The following GABRB3 variants were observed in gnomAD, a reference collection of about 807,000 sequenced individuals.
GABRB3 encodes the protein gamma-aminobutyric acid type A receptor subunit beta3, also known as gamma-aminobutyric acid receptor subunit beta-3.
In GABRB3, 14 loss-of-function variants were observed where a neutral mutation model predicts 52.1. That is an observed-to-expected ratio of 0.27 (90% CI 0.18 to 0.42). GABRB3 has a LOEUF of 0.42. GABRB3 is among the 10% of genes least tolerant of loss of function. GABRB3 has a pLI of 1.00. For synonymous variants in GABRB3, 260 were observed against 232.3 expected (o/e 1.12, Z -1.08); for missense variants, 307 against 609.1 (o/e 0.50, Z 5.22).
At chr15:26,689,653 A>G (rs1040969293) in intron 3 of GABRB3, among the ~76,000 whole-genome samples, 1 of 151,724 alleles carries the variant, frequency 6.6e-6, no homozygotes, top group Non-Finnish European at 1.5e-5. Flanking sequence ...AGGACACGAA[A>G]CCCCTCACTG....
intron 3 of GABRB3, among the ~76,000 whole-genome samples, chr15:26,682,878 G>A (rs1888282006): frequency 2.0e-5 from 3 of 152,170 alleles, no homozygotes; most frequent in Non-Finnish European, 2.9e-5. Flanking sequence ...CGGCAAGCTG[G>A]GGACACAGCC....
intron 7 of GABRB3, 101 bp downstream of exon 7, chr15:26,567,480 G>T: frequency 8.9e-7 from 1 of 1,118,188 alleles, no homozygotes; most frequent in Non-Finnish European, 1.3e-6. Context: ...CTTGTGTCAC[G>T]CTGTCAAAAA....
chr15:26,725,281 T>C (rs570004387), intron 3 of GABRB3, among the ~76,000 whole-genome samples: 45 of 152,322 alleles, frequency 3.0e-4, no homozygotes, highest in African/African-American at 1.1e-3. Context: ...ACTTCAGGTG[T>C]CTTTTCAGGC....
intron 3 of GABRB3, among the ~76,000 whole-genome samples, chr15:26,690,080 A>T (rs957536496): frequency 6.7e-6 from 1 of 149,500 alleles, no homozygotes; most frequent in African/African-American, 2.4e-5. Context: ...TTTTTTTACC[A>T]ATCTGGAGAA....
intron 3 of GABRB3, among the ~76,000 whole-genome samples, chr15:26,670,958 G>A (rs752470795): frequency 5.9e-5 from 9 of 151,682 alleles, no homozygotes; most frequent in Non-Finnish European, 7.4e-5. Context: ...GCACAATTAC[G>A]GCATCAACCT....
At chr15:26,734,912 TCAAAA>T (rs1237465656) in intron 3 of GABRB3, among the ~76,000 whole-genome samples, 2 of 151,748 alleles carry the variant, frequency 1.3e-5, no homozygotes, top group African/African-American at 2.4e-5. Context: ...CAAGAACCAG[TCAAAA>T]CAAAACAAAA....
chr15:26,745,907 C>T (rs968497059), intron 3 of GABRB3, among the ~76,000 whole-genome samples: 5 of 152,154 alleles, frequency 3.3e-5, no homozygotes, highest in African/African-American at 1.2e-4. Flanking sequence ...ATGCTGTGAA[C>T]ATTCGTTTAT....
At chr15:26,658,061 C>T (rs1887428522) in intron 3 of GABRB3, among the ~76,000 whole-genome samples, 1 of 152,168 alleles carries the variant, frequency 6.6e-6, no homozygotes, top group Non-Finnish European at 1.5e-5. Flanking sequence ...CACTGTAACA[C>T]CTAAAACTGA....
chr15:26,577,122 G>A (rs1283169791), intron 6 of GABRB3, among the ~76,000 whole-genome samples: 1 of 152,176 alleles, frequency 6.6e-6, no homozygotes, highest in East Asian at 1.9e-4. Flanking sequence ...TCTAGAAGAA[G>A]AGAGAATGGG....
At chr15:26,707,077 T>A (rs561024070) in intron 3 of GABRB3, among the ~76,000 whole-genome samples, 2 of 152,286 alleles carry the variant, frequency 1.3e-5, no homozygotes, top group East Asian at 3.9e-4. Context: ...GGGAAATACA[T>A]GATTGCAAAC....
intron 3 of GABRB3, among the ~76,000 whole-genome samples, chr15:26,685,329 T>C (rs1382198191): frequency 1.3e-5 from 2 of 152,290 alleles, no homozygotes; most frequent in Admixed American, 6.5e-5. Flanking sequence ...GCACAGAGGC[T>C]AATGCATCCC....
rs1422647598 is a variant in GABRB3 at position 26,747,883 on chromosome 15, TAA to T, written c.240+24517_240+24518del. 2.6e-5 allele frequency among the ~76,000 whole-genome samples: 4 copies of T among 151,976 alleles called. No individual in the cohort carries two copies. The East Asian group carries it at 7.8e-4, about 29-fold the overall frequency. On this transcript the variant is annotated intron_variant, in intron 3 of 8. Coordinates refer to ENST00000311550, the MANE Select transcript of GABRB3 (RefSeq NM_000814.6). Reference sequence around the variant, plus strand: ...TTCTCCCCTATTCTTTTTTTTTCTGTAAAAGTCTTGATAATTTATTTTTTTAT... The same window carrying T: ...TTCTCCCCTATTCTTTTTTTTTCTGTAAGTCTTGATAATTTATTTTTTTAT...
At chr15:26,752,389 G>A (rs1350088747) in intron 3 of GABRB3, among the ~76,000 whole-genome samples, 1 of 151,760 alleles carries the variant, frequency 6.6e-6, no homozygotes, top group Admixed American at 6.6e-5. Context: ...TCAGCCTCCC[G>A]AGTAGCTGGG....
intron 8 of GABRB3, 141 bp downstream of exon 8, chr15:26,560,791 T>TA: frequency 7.9e-7 from 1 of 1,269,796 alleles, no homozygotes; most frequent in Non-Finnish European, 1.1e-6. Flanking sequence ...TGCCATGTCA[T>TA]AAGGGCTATA....
chr15:26,619,819 G>A (rs1892407917), intron 4 of GABRB3, among the ~76,000 whole-genome samples: 1 of 151,400 alleles, frequency 6.6e-6, no homozygotes, highest in Non-Finnish European at 1.5e-5. Flanking sequence ...ACACACATGT[G>A]CACACACCTA....
intron 4 of GABRB3, among the ~76,000 whole-genome samples, chr15:26,606,831 T>TAGATAGATAGAG (rs1270787117): frequency 8.1e-6 from 1 of 123,586 alleles, no homozygotes; most frequent in Non-Finnish European, 1.8e-5. Context: ...GATAGATAGA[T>TAGATAGATAGAG]AGATAGATAG....
At chr15:26,731,230 A>G (rs1015681168) in intron 3 of GABRB3, among the ~76,000 whole-genome samples, 1 of 152,228 alleles carries the variant, frequency 6.6e-6, no homozygotes, top group Non-Finnish European at 1.5e-5. Context: ...ATCACCAAAC[A>G]ACAGTATAAC....
At chr15:26,721,516 C>G (rs1889643391) in intron 3 of GABRB3, among the ~76,000 whole-genome samples, 1 of 151,988 alleles carries the variant, frequency 6.6e-6, no homozygotes, top group Non-Finnish European at 1.5e-5. Context: ...AACCTGAATT[C>G]AAAGCCACCT....
intron 6 of GABRB3, among the ~76,000 whole-genome samples, chr15:26,571,916 C>T (rs914420082): frequency 6.6e-6 from 1 of 151,874 alleles, no homozygotes; most frequent in Non-Finnish European, 1.5e-5. Flanking sequence ...GGCGTGGTGG[C>T]GGGTGCCTAT....
Sources: gnomAD v4.1 joint callset for allele counts (sites outside exome capture counted in the v4.1 genomes callset) on GRCh38, gnomAD v4.1.1 for gene constraint, MANE v1.5 for transcripts, NCBI Gene and HGNC (gene_info 2026-07-23, HGNC 2026-07-21) for gene names.